ARHGEF17: variants seen among roughly 807,000 people sequenced by gnomAD.
The protein encoded by ARHGEF17 is Rho guanine nucleotide exchange factor 17.
ARHGEF17 carries 80 observed loss-of-function variants against 174.0 expected under a neutral mutation model. That is an observed-to-expected ratio of 0.46 (90% CI 0.38 to 0.55). ARHGEF17 has a LOEUF of 0.55. Among genes scored for constraint, ARHGEF17 ranks in the 20% least tolerant of loss-of-function variants. The probability of loss-of-function intolerance (pLI) is 0.00; values close to 1 mark genes in which losing one functional copy is unlikely to be tolerated. For missense variants in ARHGEF17, 2,886 were observed against 2,839.7 expected, an observed-to-expected ratio of 1.02 and a Z score of -0.37; for synonymous variants, 1,311 against 1,189.1, an observed-to-expected ratio of 1.10 and a Z score of -2.11.
In ARHGEF17 at chr11:73,311,488, C is replaced by G; in HGVS notation, c.2850C>G (p.Ala950=). 1.2e-6 allele frequency: 2 copies of G among 1,613,184 alleles called. No individual in the cohort carries two copies. Among genetic ancestry groups the G allele is most frequent in the Non-Finnish European group, 8.5e-7 (1 of 1,180,038 alleles). ...SQDQTGSLSR[A]RPSSRHVRHA... ...ACCAGACTGGCAGCCTGTCTCGGGC[C>G]CGGCCCTCCTCCAGACACGTTCGCC... The change falls in exon 1 of 21, where the codon GCC becomes GCG. Residue 950 remains alanine (A), a synonymous_variant. Coordinates refer to ENST00000263674, the MANE Select transcript of ARHGEF17 (RefSeq NM_014786.4).
intron 1 of ARHGEF17, among the ~76,000 whole-genome samples, chr11:73,337,110 AAG>A (rs769189760): frequency 6.6e-6 from 1 of 152,204 alleles, no homozygotes; most frequent in Non-Finnish European, 1.5e-5. Flanking sequence ...TTTCTGTGGG[AAG>A]AGTCAATACC....
chr11:73,362,234 C>A lies in ARHGEF17; in HGVS notation c.4689C>A (p.Cys1563Ter). Reference sequence around the variant, plus strand: ...CGGTGCCCGGGCTGCAGCCTCGCTGCCACCGGTGAGGCCTGGGCGGCGGGG... The same window carrying A: ...CGGTGCCCGGGCTGCAGCCTCGCTGACACCGGTGAGGCCTGGGCGGCGGGG... ...IGAVPGLQPRCHREPPPSLRS... is the reference protein window; with the variant it reads ...IGAVPGLQPR Residue 1563 changes from cysteine (C) to a stop codon, truncating the protein, a stop_gained, in exon 13 of 21, where the codon TGC becomes TGA. Transcript: ENST00000263674. LOFTEE classifies it high-confidence loss of function. The A allele has an allele frequency of 1.3e-6, 2 of 1,536,284 alleles. No individual in the cohort carries two copies. The highest frequency in any genetic ancestry group is 1.7e-6 in the Non-Finnish European group (2 of 1,145,902).
rs1192905396 is a variant in ARHGEF17, at chr11:73,329,373, A to ATTTTTTTTTTT, written c.3193-17504_3193-17494dup. Among the ~76,000 whole-genome samples, 3 of 13,170 alleles carry ATTTTTTTTTTT rather than the reference A, an allele frequency of 2.3e-4. 1 individual carries two copies. Among genetic ancestry groups the ATTTTTTTTTTT allele is most frequent in the African/African-American group, 1.5e-3 (3 of 1,980 alleles). The allele number at this position is 13,170 out of a possible 152,430, so 8.6% of individuals were successfully genotyped here. A position where few individuals can be genotyped will look rare whatever the true frequency, so the allele number is the denominator to read the frequency against. On this transcript the variant is annotated intron_variant, in intron 1 of 20. Transcript: ENST00000263674. ...TATATATATATATATATATATATAT[A>ATTTTTTTTTTT]TTTTTTTTTTTTTTTTGTATTTTGG...
intron 9 of ARHGEF17, among the ~76,000 whole-genome samples, chr11:73,357,946 C>T (rs1865673452): frequency 6.6e-6 from 1 of 152,212 alleles, no homozygotes. Context: ...GAGCTTGGCC[C>T]TCAGGGTAAC....
At chr11:73,366,140 T>C (rs114856909) in intron 20 of ARHGEF17, among the ~76,000 whole-genome samples, 193 bp downstream of exon 20, 128 of 147,606 alleles carry the variant, frequency 8.7e-4, no homozygotes, top group South Asian at 1.7e-3. Flanking sequence ...TGTGTGTGTG[T>C]GCGCACCTGC....
chr11:73,309,926 T>G lies in ARHGEF17; in HGVS notation c.1288T>G (p.Ser430Ala), dbSNP rs1864782524. Residue 430 changes from serine to alanine, a missense_variant, in exon 1 of 21, where the codon TCC (serine) becomes GCC (alanine). Around this residue, in one of 4 missense-constraint regions of ARHGEF17, gnomAD observed 1,728 missense variants for 1,461.2 expected, o/e 1.18. Transcript: ENST00000263674. ...SFGAGEGLLRSQARTRAKGPG... is the reference protein window; with the variant it reads ...SFGAGEGLLRAQARTRAKGPG... ...TGGAGCTGGGGAAGGGCTCCTGCGGTCCCAGGCTCGAACCCGTGCCAAAGG... is the reference window on the plus strand; with the variant it reads ...TGGAGCTGGGGAAGGGCTCCTGCGGGCCCAGGCTCGAACCCGTGCCAAAGG... 1 of 1,613,376 alleles carries G rather than the reference T, an allele frequency of 6.2e-7. No individual in the cohort carries two copies. Among genetic ancestry groups the G allele is most frequent in the Non-Finnish European group, 8.5e-7 (1 of 1,179,822 alleles).
intron 20 of ARHGEF17, among the ~76,000 whole-genome samples, chr11:73,366,623 A>G (rs1865844132): frequency 6.6e-6 from 1 of 152,142 alleles, no homozygotes; most frequent in African/African-American, 2.4e-5. Context: ...CCAGCTGCTC[A>G]GGAGGCTGAG....
chr11:73,363,152 C>T, intron 14 of ARHGEF17, 54 bp from the exon 15 acceptor site: 20 of 1,470,852 alleles, frequency 1.4e-5, no homozygotes, highest in Non-Finnish European at 1.8e-5. Context: ...AGAAAGATAT[C>T]AGGTCCCAGG....
At position 73,368,065 on chromosome 11, in the gene ARHGEF17, C is replaced by T; in HGVS notation, c.*285C>T. The stretch of plus-strand genomic sequence containing the variant: ...CTGACCCTGGAGCTTCTACCAAAGA[C>T]ACAGCTGGGTCTGGACCCCACGGGG... On this transcript the variant is annotated 3_prime_UTR_variant, in exon 21 of 21. Transcript: ENST00000263674. 1 of 385,436 alleles carries T rather than the reference C, an allele frequency of 2.6e-6. No homozygotes were observed. The highest frequency in any genetic ancestry group is 2.0e-5 in the African/African-American group (1 of 50,156). 23.9% of individuals were successfully genotyped at this position (385,436 alleles called of 1,614,324 possible). A position where few individuals can be genotyped will look rare whatever the true frequency, so the allele number is the denominator to read the frequency against.
chr11:73,309,275 G>C lies in ARHGEF17; in HGVS notation c.637G>C (p.Gly213Arg), dbSNP rs773535474. 2 of 1,611,240 alleles carry C rather than the reference G, an allele frequency of 1.2e-6. No homozygotes were observed. The highest frequency in any genetic ancestry group is 1.7e-5 in the Admixed American group (1 of 59,906). Reference protein sequence around the residue: ...QQERAQRPADGLHSWHIFSQP... With the variant: ...QQERAQRPADRLHSWHIFSQP... Reference sequence around the variant, plus strand: ...GGAGCGGGCGCAGCGTCCAGCGGATGGTTTACATTCTTGGCATATCTTCTC... The same window carrying C: ...GGAGCGGGCGCAGCGTCCAGCGGATCGTTTACATTCTTGGCATATCTTCTC... The change falls in exon 1 of 21, where the codon GGT becomes CGT. Residue 213 changes from glycine (G) to arginine (R), a missense_variant. Gly to Arg is a moderately radical substitution (Grantham distance 125, BLOSUM62 -2). This residue lies in a region of ARHGEF17 where 1,728 missense variants were observed against 1,461.2 expected (regional missense o/e 1.18). Transcript: ENST00000263674.
chr11:73,348,844 G>A (rs889236692), intron 2 of ARHGEF17, among the ~76,000 whole-genome samples: 2 of 152,186 alleles, frequency 1.3e-5, no homozygotes, highest in Non-Finnish European at 2.9e-5. Flanking sequence ...GAACACAGAA[G>A]GGGGCCTACC....
At chr11:73,313,405 C>T (rs908122566) in intron 1 of ARHGEF17, among the ~76,000 whole-genome samples, 1 of 152,166 alleles carries the variant, frequency 6.6e-6, no homozygotes, top group Non-Finnish European at 1.5e-5. Flanking sequence ...GCCTTGAAGG[C>T]TCAAATGGGG....
chr11:73,344,034 A>G (rs1220728072), intron 1 of ARHGEF17, among the ~76,000 whole-genome samples: 1 of 152,068 alleles, frequency 6.6e-6, no homozygotes, highest in Non-Finnish European at 1.5e-5. Flanking sequence ...TTGGGTTGTG[A>G]TGCCCCAGTC....
Position 73,356,232 on chromosome 11 carries a change from C to T in ARHGEF17, c.3721C>T (p.Gln1241Ter). ...GGACCATCCACTCCTGCTGGAGGCG[C>T]AGCGGAACATCAAGCAGGTGGCTGA... is the stretch of plus-strand genomic sequence containing the variant. ...HPDHPLLLEAQRNIKQVAERI... is the reference protein window; with the variant it reads ...HPDHPLLLEA The change falls in exon 6 of 21, where the codon CAG becomes TAG. Residue 1241 changes from glutamine to a stop codon, truncating the protein, a stop_gained. Coordinates refer to ENST00000263674, the MANE Select transcript of ARHGEF17 (RefSeq NM_014786.4). LOFTEE classifies it high-confidence loss of function. 1 of 1,613,980 alleles carries T rather than the reference C, an allele frequency of 6.2e-7. No homozygotes were observed. The highest frequency in any genetic ancestry group is 8.5e-7 in the Non-Finnish European group (1 of 1,180,022).
At position 73,347,054 on chromosome 11, in the gene ARHGEF17, C is replaced by G. The variant is rs117044222; in HGVS notation, c.3270+94C>G. ...GCAAACCCCTTTCATGGACAAGGGA[C>G]TGAGGCCAGAGAGCCGTGTCCCTGG... On this transcript the variant is annotated intron_variant, in intron 2 of 20. Transcript: ENST00000263674. The G allele has an allele frequency of 7.6e-3, 9,472 of 1,240,762 alleles. 102 individuals carry two copies. The highest frequency in any genetic ancestry group is 0.035 in the Middle Eastern group (189 of 5,368). The allele number at this position is 1,240,762 out of a possible 1,614,324, so 76.9% of individuals were successfully genotyped here.
At chr11:73,361,044 G>C (rs780196405) in intron 11 of ARHGEF17, 44 bp from the exon 12 acceptor site, 1 of 1,525,516 alleles carries the variant, frequency 6.6e-7, no homozygotes. Context: ...TGAGATGGAT[G>C]CTATGCTAAG....
Position 73,310,061 on chromosome 11 carries a change from C to G in ARHGEF17, c.1423C>G (p.Leu475Val). 1 of 1,614,200 alleles carries G rather than the reference C, an allele frequency of 6.2e-7. No individual in the cohort carries two copies. Among genetic ancestry groups the G allele is most frequent in the Non-Finnish European group, 8.5e-7 (1 of 1,180,028 alleles). ...TATCGCCTCAGAGACCCTGACGCTT[C>G]TCAGTTTCCTGCGCTCAGACCTTTC... ...PDIASETLTLLSFLRSDLSEL... is the reference protein window; with the variant it reads ...PDIASETLTLVSFLRSDLSEL... The change falls in exon 1 of 21, where the codon CTC (leucine) becomes GTC (valine). Residue 475 changes from leucine to valine, a missense_variant. Transcript: ENST00000263674.
chr11:73,362,543 C>A lies in ARHGEF17; in HGVS notation c.4805C>A (p.Pro1602Gln). Residue 1602 changes from proline to glutamine, a missense_variant, in exon 14 of 21, where the codon CCG (proline) becomes CAG (glutamine). This residue lies in a region of ARHGEF17 where 476 missense variants were observed against 473.1 expected (regional missense o/e 1.01). Coordinates refer to ENST00000263674, the MANE Select transcript of ARHGEF17 (RefSeq NM_014786.4). ...GAGGAAGCCGCGACGCTCGCGGAGC[C>A]GGGGCCGCAGCCCTGCCTTCACATC... The part of the protein sequence containing the change: ...ADEEAATLAE[P>Q]GPQPCLHISI... 6.2e-7 allele frequency: 1 copy of A among 1,607,476 alleles called. No homozygotes were observed. Among genetic ancestry groups the A allele is most frequent in the Admixed American group, 1.7e-5 (1 of 59,950 alleles).
Position 73,311,489 on chromosome 11 carries a change from C to T in ARHGEF17, c.2851C>T (p.Arg951Trp), listed in dbSNP as rs113911296. ...QDQTGSLSRA[R>W]PSSRHVRHAS... The stretch of plus-strand genomic sequence containing the variant: ...CCAGACTGGCAGCCTGTCTCGGGCC[C>T]GGCCCTCCTCCAGACACGTTCGCCA... The change falls in exon 1 of 21, where the codon CGG becomes TGG. Residue 951 changes from arginine to tryptophan, a missense_variant. By Grantham distance (101) the Arg-to-Trp change is moderately radical. Transcript: ENST00000263674. The T allele has an allele frequency of 5.6e-6, 9 of 1,613,048 alleles. No homozygotes were observed. Among genetic ancestry groups the T allele is most frequent in the Admixed American group, 5.0e-5 (3 of 60,014 alleles).
Sources: allele counts gnomAD v4.1 joint callset (sites outside exome capture counted in the v4.1 genomes callset), GRCh38; gene constraint gnomAD v4.1.1; regional missense constraint gnomAD v4.1.1; transcripts MANE v1.5; gene names NCBI Gene and HGNC (gene_info 2026-07-23, HGNC 2026-07-21).